Variants in SMOC2 observed in about 807,000 individuals in gnomAD.
The protein encoded by SMOC2 is SPARC-related modular calcium-binding protein 2.
In SMOC2, 39 loss-of-function variants were observed where a neutral mutation model predicts 61.4. The ratio of observed to expected loss-of-function variants is 0.64; its 90% CI spans 0.49 to 0.83. The LOEUF (loss-of-function observed/expected upper bound fraction) is 0.83, where lower values mean the gene tolerates loss of function less well. Ranked by LOEUF, SMOC2 falls within the 40% of genes least tolerant of loss-of-function variation. The pLI is 0.00. For missense variants in SMOC2, 556 were observed against 592.9 expected (o/e 0.94, Z 0.65); for synonymous variants, 247 against 239.9 (o/e 1.03, Z -0.27).
At chr6:168,505,666 G>A (rs932846560) in intron 1 of SMOC2, among the ~76,000 whole-genome samples, 3 of 152,236 alleles carry the variant, frequency 2.0e-5, no homozygotes, top group Non-Finnish European at 4.4e-5. Context: ...TAGCATTTAA[G>A]TTTTGTATTG....
intron 1 of SMOC2, among the ~76,000 whole-genome samples, chr6:168,506,841 G>A (rs1458401727): frequency 6.6e-6 from 1 of 152,166 alleles, no homozygotes; most frequent in Admixed American, 6.5e-5. Context: ...ACTCTCAACC[G>A]AGTTCTTTTA....
At chr6:168,533,579 C>T (rs1783661334) in intron 4 of SMOC2, among the ~76,000 whole-genome samples, 1 of 152,176 alleles carries the variant, frequency 6.6e-6, no homozygotes. Flanking sequence ...TGCGTTTGGT[C>T]TCCAATGTCT....
chr6:168,586,076 T>C (rs1396110437), intron 7 of SMOC2, among the ~76,000 whole-genome samples: 1 of 152,190 alleles, frequency 6.6e-6, no homozygotes, highest in Non-Finnish European at 1.5e-5. Context: ...ACCCAATATC[T>C]CAATAATAGT....
chr6:168,582,869 C>T (rs2115161470), intron 7 of SMOC2, among the ~76,000 whole-genome samples: 1 of 152,288 alleles, frequency 6.6e-6, no homozygotes, highest in African/African-American at 2.4e-5. Context: ...AGTGGCCTTG[C>T]CCCTCCCGGT....
intron 9 of SMOC2, among the ~76,000 whole-genome samples, chr6:168,613,882 A>AGG (rs34270659): frequency 1.9e-4 from 18 of 97,092 alleles, no homozygotes; most frequent in Admixed American, 1.9e-4. Context: ...CAGCCAGCAC[A>AGG]GGACCTCTTC....
intron 11 of SMOC2, among the ~76,000 whole-genome samples, chr6:168,659,684 TGTAGGTAGGGTGAGGGTGGAG>T (rs1787441689): frequency 6.7e-6 from 1 of 149,548 alleles, no homozygotes. Flanking sequence ...GGGTGGAGGT[TGTAGGTAGGGTGAGGGTGGAG>T]GTTGTAGGCT....
chr6:168,648,633 C>A (rs1351540782), intron 9 of SMOC2, among the ~76,000 whole-genome samples: 2 of 152,198 alleles, frequency 1.3e-5, no homozygotes, highest in African/African-American at 4.8e-5. Flanking sequence ...AGCATTTGCC[C>A]CGTGGCCGTG....
rs9456173 is a variant in SMOC2 at position 168,535,692 on chromosome 6, A to G, written c.464-7933A>G. On this transcript the variant is annotated intron_variant, in intron 4 of 12. Transcript: ENST00000356284. This position sits in a 1 kb window ranked among gnomAD's most constrained non-coding sequence, Gnocchi z 4.6. Reference sequence around the variant, plus strand: ...CACTGAGCAAAAACAAATGGATTGCATTTGGTTTCTTCATCCACAGAAACA... The same window carrying G: ...CACTGAGCAAAAACAAATGGATTGCGTTTGGTTTCTTCATCCACAGAAACA... Among the ~76,000 whole-genome samples, 2,398 of 152,332 alleles carry G rather than the reference A, an allele frequency of 0.016. 58 individuals carry two copies. The highest frequency in any genetic ancestry group is 0.051 in the African/African-American group (2,122 of 41,574).
chr6:168,446,934 A>T (rs1006048527), intron 1 of SMOC2, among the ~76,000 whole-genome samples: 3 of 152,350 alleles, frequency 2.0e-5, no homozygotes, highest in African/African-American at 7.2e-5. Context: ...TTTATTATGT[A>T]TGACATAATG....
intron 8 of SMOC2, among the ~76,000 whole-genome samples, chr6:168,603,522 G>A (rs9346556): frequency 0.83 from 125,443 of 151,960 alleles, 52,305 homozygotes; most frequent in Middle Eastern, 0.92. Context: ...CTTTTATTCA[G>A]TAAACATGTG....
chr6:168,517,317 G>A (rs969318722), intron 2 of SMOC2, among the ~76,000 whole-genome samples: 1 of 152,362 alleles, frequency 6.6e-6, no homozygotes, highest in Admixed American at 6.5e-5. Context: ...GTGAGGCCCA[G>A]CAGGGGTTTG....
chr6:168,497,543 G>A (rs1182464124), intron 1 of SMOC2, among the ~76,000 whole-genome samples: 1 of 152,176 alleles, frequency 6.6e-6, no homozygotes, highest in Non-Finnish European at 1.5e-5. Context: ...CGGGCAGTGG[G>A]CACGCAGATC....
intron 7 of SMOC2, among the ~76,000 whole-genome samples, chr6:168,565,778 C>CT (rs1784527233): frequency 6.6e-6 from 1 of 152,204 alleles, no homozygotes; most frequent in Non-Finnish European, 1.5e-5. Context: ...CTGCAATCAT[C>CT]TAAGGTCCCA....
intron 1 of SMOC2, among the ~76,000 whole-genome samples, chr6:168,485,636 A>G (rs1782314036): frequency 6.6e-6 from 1 of 152,214 alleles, no homozygotes; most frequent in Non-Finnish European, 1.5e-5. Context: ...AGAGAAAGAA[A>G]GCAGATTAAT....
intron 9 of SMOC2, among the ~76,000 whole-genome samples, chr6:168,619,267 C>G (rs1359500644): frequency 1.3e-5 from 2 of 152,212 alleles, no homozygotes; most frequent in South Asian, 4.2e-4. Flanking sequence ...GCCAGTTTAG[C>G]CTGCGTTACT....
At chr6:168,619,442 T>C (rs1786190062) in intron 9 of SMOC2, among the ~76,000 whole-genome samples, 1 of 152,226 alleles carries the variant, frequency 6.6e-6, no homozygotes, top group Non-Finnish European at 1.5e-5. Flanking sequence ...TATATTAAAT[T>C]AATTTCTAAA....
chr6:168,633,742 T>G (rs372998115), intron 9 of SMOC2, among the ~76,000 whole-genome samples: 1 of 152,278 alleles, frequency 6.6e-6, no homozygotes, highest in East Asian at 1.9e-4. Flanking sequence ...ACTGTCATTT[T>G]GGGTTTAAGT....
chr6:168,586,820 T>C (rs1785055862), intron 7 of SMOC2, among the ~76,000 whole-genome samples: 1 of 152,234 alleles, frequency 6.6e-6, no homozygotes, highest in Non-Finnish European at 1.5e-5. Context: ...GAGCTTGTAC[T>C]TAGGACTTTG....
intron 11 of SMOC2, among the ~76,000 whole-genome samples, chr6:168,659,554 G>A (rs77703539): frequency 9.8e-3 from 17 of 1,726 alleles, no homozygotes; most frequent in South Asian, 0.019. Context: ...GGCTGGGTGA[G>A]GATGGAGGTT....
Sources: allele counts gnomAD v4.1 joint callset (sites outside exome capture counted in the v4.1 genomes callset), GRCh38; gene constraint gnomAD v4.1.1; non-coding constraint Gnocchi (gnomAD v3.1); transcripts MANE v1.5; gene names NCBI Gene and HGNC (gene_info 2026-07-23, HGNC 2026-07-21).